CEP57L1: variants seen among roughly 807,000 people sequenced by gnomAD.
CEP57L1 encodes centrosomal protein 57 like 1.
CEP57L1 carries 37 observed loss-of-function variants against 61.0 expected under a neutral mutation model. The ratio of observed to expected loss-of-function variants is 0.61; its 90% CI spans 0.47 to 0.80. The LOEUF (loss-of-function observed/expected upper bound fraction) is 0.80. Ranked by LOEUF, CEP57L1 falls within the 30% of genes least tolerant of loss-of-function variation. The pLI is 0.00. For synonymous variants in CEP57L1, 137 were observed against 162.3 expected, an observed-to-expected ratio of 0.84 and a Z score of 1.19; for missense variants, 422 against 524.7, an observed-to-expected ratio of 0.80 and a Z score of 1.91.
In CEP57L1 at chr6:109,115,840, T is replaced by G. The variant is rs186763925; in HGVS notation, c.-4+20265T>G. On this transcript the variant is annotated intron_variant, in intron 1 of 10. Coordinates refer to ENST00000517392, the MANE Select transcript of CEP57L1 (RefSeq NM_001271852.3). ...TAGTAATAGCATTCTTTAAGGTTGTTAAGACTAAATTTAGCGTGTAAAAGC... is the reference window on the plus strand; with the variant it reads ...TAGTAATAGCATTCTTTAAGGTTGTGAAGACTAAATTTAGCGTGTAAAAGC... 7.2e-5 allele frequency among the ~76,000 whole-genome samples: 11 copies of G among 152,308 alleles called. No homozygotes were observed. In the East Asian group the frequency reaches 1.7e-3, roughly 24 times the overall value.
intron 1 of CEP57L1, among the ~76,000 whole-genome samples, chr6:109,128,742 A>G (rs1300726152): frequency 1.3e-5 from 2 of 152,194 alleles, no homozygotes; most frequent in East Asian, 1.9e-4. Context: ...ACTAGGATCT[A>G]TCATCGTTCT....
intron 4 of CEP57L1, among the ~76,000 whole-genome samples, chr6:109,150,597 G>A (rs1232676886): frequency 6.6e-6 from 1 of 151,596 alleles, no homozygotes; most frequent in African/African-American, 2.4e-5. Flanking sequence ...GGGAGGCAGA[G>A]GTTGCAGTGA....
chr6:109,150,721 G>C (rs1454559095), intron 4 of CEP57L1, among the ~76,000 whole-genome samples: 1 of 148,792 alleles, frequency 6.7e-6, no homozygotes, highest in Non-Finnish European at 1.5e-5. Flanking sequence ...TACACTCAAA[G>C]AGACAACAAT....
chr6:109,104,757 A>T (rs36068139), intron 1 of CEP57L1, among the ~76,000 whole-genome samples: 6,481 of 149,816 alleles, frequency 0.043, 204 homozygotes, highest in Non-Finnish European at 0.072. Context: ...TAATTAAAAA[A>T]TTTTTTTTTT....
intron 1 of CEP57L1, among the ~76,000 whole-genome samples, chr6:109,118,422 T>C (rs541805045): frequency 1.3e-5 from 2 of 152,362 alleles, no homozygotes; most frequent in African/African-American, 4.8e-5. Flanking sequence ...TGACAACGTA[T>C]GCTGTTCCTC....
intron 1 of CEP57L1, 107 bp downstream of exon 1, chr6:109,095,682 C>T: frequency 1.4e-6 from 1 of 691,074 alleles, no homozygotes; most frequent in Non-Finnish European, 1.8e-6. Context: ...CTCCCTTAGT[C>T]CAAGGACTTT....
At chr6:109,155,581 TTAAA>T (rs1298153305) in intron 6 of CEP57L1, among the ~76,000 whole-genome samples, 1 of 151,914 alleles carries the variant, frequency 6.6e-6, no homozygotes, top group Non-Finnish European at 1.5e-5. Context: ...TGTACATATA[TTAAA>T]TAATTTATTC....
intron 7 of CEP57L1, chr6:109,158,170 C>A (rs1360449395): frequency 6.5e-6 from 1 of 153,492 alleles, no homozygotes. Context: ...ATGGATGTAC[C>A]ACAATTTAAC....
rs746784140 is a variant in CEP57L1 at position 109,168,126 on chromosome 6, T to C, written c.*5156T>C. ...GCCTGTTTGTAATTTCTTCATTTTC[T>C]ATCTATCTTGATTTATATACCTTCA... On this transcript the variant is annotated 3_prime_UTR_variant, in exon 11 of 11. Transcript: ENST00000517392. 6.6e-6 allele frequency among the ~76,000 whole-genome samples: 1 copy of C among 152,266 alleles called. No individual in the cohort carries two copies. The highest frequency in any genetic ancestry group is 1.5e-5 in the Non-Finnish European group (1 of 68,046).
chr6:109,150,334 T>G, intron 4 of CEP57L1, 95 bp downstream of exon 4: 1 of 1,478,328 alleles, frequency 6.8e-7, no homozygotes, highest in Non-Finnish European at 9.3e-7. Flanking sequence ...AAAGGTGGCA[T>G]AATGTTAGAA....
rs1772110611 is a variant in CEP57L1, at chr6:109,114,971, C to T, written c.-4+19396C>T. ...TCACCTTATACCCCATAAATATATA[C>T]AATTATTATTTGCCAATTAAAATAA... On this transcript the variant is annotated intron_variant, in intron 1 of 10. Transcript: ENST00000517392. Among the ~76,000 whole-genome samples the T allele has an allele frequency of 2.0e-5, 3 of 151,884 alleles. No individual in the cohort carries two copies. The South Asian group carries it at 6.2e-4, about 32-fold the overall frequency.
intron 1 of CEP57L1, among the ~76,000 whole-genome samples, chr6:109,133,994 C>T (rs1232329118): frequency 6.6e-6 from 1 of 152,166 alleles, no homozygotes; most frequent in East Asian, 1.9e-4. Context: ...CAAGGAGGAG[C>T]TGGTACCATT....
At chr6:109,105,455 A>G (rs1213238830) in intron 1 of CEP57L1, among the ~76,000 whole-genome samples, 2 of 152,172 alleles carry the variant, frequency 1.3e-5, no homozygotes, top group Non-Finnish European at 2.9e-5. Flanking sequence ...TTCTCCATGT[A>G]AATGCCCTCT....
intron 1 of CEP57L1, among the ~76,000 whole-genome samples, chr6:109,127,680 G>A (rs1356028559): frequency 6.6e-6 from 1 of 151,950 alleles, no homozygotes; most frequent in African/African-American, 2.4e-5. Context: ...GAGTGCAGTG[G>A]CGCAGTCTCG....
intron 1 of CEP57L1, among the ~76,000 whole-genome samples, chr6:109,119,625 C>T (rs1772714688): frequency 6.6e-6 from 1 of 152,124 alleles, no homozygotes. Flanking sequence ...AAATGGTAGT[C>T]AGTACTTGAC....
chr6:109,142,663 C>G (rs1355788697), intron 1 of CEP57L1, among the ~76,000 whole-genome samples: 1 of 150,156 alleles, frequency 6.7e-6, no homozygotes, highest in Admixed American at 6.6e-5. Flanking sequence ...AGGCTTGATA[C>G]AAATGAGGTT....
chr6:109,097,325 C>G (rs1412322999), intron 1 of CEP57L1, among the ~76,000 whole-genome samples: 4 of 152,188 alleles, frequency 2.6e-5, no homozygotes, highest in Non-Finnish European at 5.9e-5. Context: ...TCCATTATAT[C>G]TGCCAGAATG....
chr6:109,104,561 G>GT (rs1307285911), intron 1 of CEP57L1, among the ~76,000 whole-genome samples: 3 of 151,922 alleles, frequency 2.0e-5, no homozygotes, highest in Admixed American at 6.6e-5. Context: ...TGATAGGCGT[G>GT]TTTTTTTGTT....
At chr6:109,158,908 A>G (rs1227163968) in intron 7 of CEP57L1, 117 bp from the exon 8 acceptor site, 18 of 945,582 alleles carry the variant, frequency 1.9e-5, no homozygotes, top group Non-Finnish European at 2.7e-5. Flanking sequence ...ATTTCTGTCC[A>G]TGTCTTTTGC....
Sources: allele counts gnomAD v4.1 joint callset (sites outside exome capture counted in the v4.1 genomes callset), GRCh38; gene constraint gnomAD v4.1.1; transcripts MANE v1.5; gene names NCBI Gene and HGNC (gene_info 2026-07-23, HGNC 2026-07-21).